Variants in EPM2A observed in about 807,000 individuals in gnomAD.
EPM2A encodes the protein EPM2A glucan phosphatase, laforin.
Under a neutral mutation model 26.5 loss-of-function variants are expected in EPM2A, and 21 were observed. That is an observed-to-expected ratio of 0.79 (90% confidence interval 0.56 to 1.14). The LOEUF (loss-of-function observed/expected upper bound fraction) is 1.14. EPM2A is among the 50% of genes most tolerant of loss of function. EPM2A has a pLI of 0.00. For missense variants in EPM2A, 458 were observed against 440.8 expected, an observed-to-expected ratio of 1.04 and a Z score of -0.35; for synonymous variants, 217 against 177.6, an observed-to-expected ratio of 1.22 and a Z score of -1.76.
At chr6:145,597,381 T>C (rs1781360446) in intron 2 of EPM2A, among the ~76,000 whole-genome samples, 1 of 152,212 alleles carries the variant, frequency 6.6e-6, no homozygotes, top group Non-Finnish European at 1.5e-5. Context: ...ATTTTCCCAA[T>C]AGAAGATTGC....
chr6:145,586,432 G>T (rs1453751306), intron 2 of EPM2A, among the ~76,000 whole-genome samples: 2 of 152,034 alleles, frequency 1.3e-5, no homozygotes, highest in Admixed American at 6.5e-5. Flanking sequence ...TTGCCATATG[G>T]AATAAGTAAG....
chr6:145,517,071 T>C (rs1232811817), intron 2 of EPM2A, among the ~76,000 whole-genome samples: 1 of 152,116 alleles, frequency 6.6e-6, no homozygotes, highest in Non-Finnish European at 1.5e-5. Context: ...CTTGAAGATA[T>C]TATGTTAAGT....
chr6:145,661,111 T>C (rs1778675979), intron 2 of EPM2A, among the ~76,000 whole-genome samples: 2 of 151,824 alleles, frequency 1.3e-5, no homozygotes, highest in Non-Finnish European at 2.9e-5. Flanking sequence ...AGAAGTAGAC[T>C]GGAAATCAAA....
intron 4 of EPM2A, among the ~76,000 whole-genome samples, chr6:145,458,969 T>C (rs2114715012): frequency 6.6e-6 from 1 of 152,260 alleles, no homozygotes; most frequent in South Asian, 2.1e-4. Context: ...TTGGAAGCAG[T>C]CACCTATGTA....
At chr6:145,609,002 A>AT (rs1449784595) in intron 2 of EPM2A, among the ~76,000 whole-genome samples, 6 of 152,234 alleles carry the variant, frequency 3.9e-5, no homozygotes, top group Non-Finnish European at 7.3e-5. Context: ...TCTTTAATGT[A>AT]TTTGGCTAAG....
chr6:145,698,435 G>A (rs1054939398), intron 1 of EPM2A, among the ~76,000 whole-genome samples: 2 of 152,044 alleles, frequency 1.3e-5, no homozygotes, highest in Non-Finnish European at 2.9e-5. Context: ...GATCTTTGAG[G>A]GAAAACTCCC....
chr6:145,451,492 A>G (rs529906919), intron 4 of EPM2A, among the ~76,000 whole-genome samples: 1 of 152,328 alleles, frequency 6.6e-6, no homozygotes, highest in Admixed American at 6.5e-5. Flanking sequence ...TGAAATAGCC[A>G]TTATAATATT....
Position 145,627,037 on chromosome 6 carries a change from C to T in EPM2A, c.*379G>A. On this transcript the variant is annotated 3_prime_UTR_variant, in exon 4 of 4. Coordinates refer to ENST00000367519, the MANE Select transcript of EPM2A (RefSeq NM_005670.4). ...AATCCACATAACTCCATATCTTTTC[C>T]TCTACATGGCCAAGAGTTTCAGTGC... 8.7e-7 allele frequency: 1 copy of T among 1,149,822 alleles called. No individual in the cohort carries two copies. Among genetic ancestry groups the T allele is most frequent in the South Asian group, 2.1e-5 (1 of 47,782 alleles). The allele number at this position is 1,149,822 out of a possible 1,614,324, so 71.2% of individuals were successfully genotyped here. A position where few individuals can be genotyped will look rare whatever the true frequency, so the allele number is the denominator to read the frequency against.
At chr6:145,438,633 C>G (rs1191928556) in intron 4 of EPM2A, among the ~76,000 whole-genome samples, 1 of 151,886 alleles carries the variant, frequency 6.6e-6, no homozygotes, top group Admixed American at 6.6e-5. Context: ...GCCACCACAC[C>G]CAGCTAATTT....
At chr6:145,451,298 T>C (rs1361329194) in intron 4 of EPM2A, among the ~76,000 whole-genome samples, 2 of 152,182 alleles carry the variant, frequency 1.3e-5, no homozygotes, top group African/African-American at 4.8e-5. Flanking sequence ...ATTTTTCAAA[T>C]GACCAAAGCA....
At chr6:145,505,821 A>G (rs1373454745) in intron 2 of EPM2A, among the ~76,000 whole-genome samples, 2 of 152,260 alleles carry the variant, frequency 1.3e-5, no homozygotes, top group Admixed American at 6.5e-5. Flanking sequence ...TTCTGCTATT[A>G]ATATGTGTAG....
At chr6:145,672,595 A>G (rs959413729) in intron 2 of EPM2A, among the ~76,000 whole-genome samples, 3 of 152,096 alleles carry the variant, frequency 2.0e-5, no homozygotes, top group Non-Finnish European at 2.9e-5. Context: ...TCACTTTTAC[A>G]CTCTCCTCAG....
intron 1 of EPM2A, among the ~76,000 whole-genome samples, chr6:145,712,415 T>C (rs1049887705): frequency 2.6e-5 from 4 of 152,230 alleles, no homozygotes; most frequent in Admixed American, 1.3e-4. Context: ...ATGAAAATTT[T>C]AAACAAATGA....
chr6:145,478,115 A>G (rs1779564569), intron 4 of EPM2A, among the ~76,000 whole-genome samples: 1 of 152,010 alleles, frequency 6.6e-6, no homozygotes, highest in Non-Finnish European at 1.5e-5. Context: ...AAAAATCAGT[A>G]GCATTTCTAT....
rs189238925 is a variant in EPM2A at position 145,697,279 on chromosome 6, G to C, written c.302-10983C>G. 2.7e-3 allele frequency among the ~76,000 whole-genome samples: 410 copies of C among 152,170 alleles called. 5 individuals are homozygous for C. The highest frequency in any genetic ancestry group is 9.4e-3 in the African/African-American group (391 of 41,532). On this transcript the variant is annotated intron_variant, in intron 1 of 3. Transcript: ENST00000367519. Reference sequence around the variant, plus strand: ...CCGTAAAACCAGCAAGTTTTTATTAGTGATTTTCAAAAGGGGAGGGAGTGT... The same window carrying C: ...CCGTAAAACCAGCAAGTTTTTATTACTGATTTTCAAAAGGGGAGGGAGTGT...
At chr6:145,676,858 G>A (rs1323285846) in intron 2 of EPM2A, among the ~76,000 whole-genome samples, 2 of 152,048 alleles carry the variant, frequency 1.3e-5, no homozygotes, top group Non-Finnish European at 2.9e-5. Context: ...GTACAAAGAG[G>A]AGCTGGTATC....
At chr6:145,519,417 T>G (rs1780174385) in intron 2 of EPM2A, among the ~76,000 whole-genome samples, 1 of 152,130 alleles carries the variant, frequency 6.6e-6, no homozygotes, top group Non-Finnish European at 1.5e-5. Flanking sequence ...GGTTCAAGAA[T>G]AGAGCCGCTA....
intron 4 of EPM2A, among the ~76,000 whole-genome samples, chr6:145,413,009 A>G (rs1040494104): frequency 1.3e-5 from 2 of 152,188 alleles, no homozygotes; most frequent in Non-Finnish European, 2.9e-5. Context: ...TAATTTAGAT[A>G]TGGTGACAAA....
chr6:145,474,262 G>A (rs528420521), intron 4 of EPM2A, among the ~76,000 whole-genome samples: 1 of 152,236 alleles, frequency 6.6e-6, no homozygotes, highest in African/African-American at 2.4e-5. Context: ...AGGAGTTTGA[G>A]ACGAGTCTAA....
Sources: gnomAD v4.1 joint callset for allele counts (sites outside exome capture counted in the v4.1 genomes callset) on GRCh38, gnomAD v4.1.1 for gene constraint, MANE v1.5 for transcripts, NCBI Gene and HGNC (gene_info 2026-07-23, HGNC 2026-07-21) for gene names.